LITAF: variants seen among roughly 807,000 people sequenced by gnomAD.
The protein encoded by LITAF is lipopolysaccharide induced TNF factor.
Under a neutral mutation model 14.5 loss-of-function variants are expected in LITAF, and 9 were observed. The ratio of observed to expected loss-of-function variants is 0.62; its 90% CI spans 0.37 to 1.08. The LOEUF is 1.08. Among genes scored for constraint, LITAF ranks in the 50% least tolerant of loss-of-function variants. LITAF has a pLI of 0.01. For missense variants in LITAF, 206 were observed against 213.4 expected (o/e 0.97, Z 0.22); for synonymous variants, 98 against 88.2 (o/e 1.11, Z -0.62).
intron 1 of LITAF, chr16:11,584,111 C>A (rs570190671): frequency 6.6e-6 from 1 of 152,140 alleles, no homozygotes; most frequent in Non-Finnish European, 1.5e-5. Flanking sequence ...TCAGAACAGA[C>A]CATGGGTGGC....
intron 1 of LITAF, among the ~76,000 whole-genome samples, chr16:11,560,430 G>A (rs922941153): frequency 2.6e-5 from 4 of 151,912 alleles, no homozygotes; most frequent in African/African-American, 9.7e-5. Flanking sequence ...GGCCAACATG[G>A]TGAAACCCCA....
intron 3 of LITAF, among the ~76,000 whole-genome samples, chr16:11,625,066 T>G (rs2065075490): frequency 6.6e-6 from 1 of 152,136 alleles, no homozygotes; most frequent in Non-Finnish European, 1.5e-5. Context: ...CTGGGTGAAC[T>G]GTGCTGTGCC....
intron 1 of LITAF, chr16:11,584,248 G>C (rs1190254419): frequency 6.6e-5 from 10 of 152,160 alleles, no homozygotes; most frequent in Non-Finnish European, 2.9e-5. Flanking sequence ...AAAACAAATA[G>C]AGGACAAGTC....
intron 3 of LITAF, among the ~76,000 whole-genome samples, chr16:11,630,218 C>T (rs2065109508): frequency 6.6e-6 from 1 of 152,170 alleles, no homozygotes; most frequent in Non-Finnish European, 1.5e-5. Flanking sequence ...CTCCTAGCCT[C>T]AGCCCCTATG....
In LITAF at chr16:11,549,817, G is replaced by T; in HGVS notation, c.378-72C>A. ...GGTGAACACTGGCTGCCAAAACCAT[G>T]TTCATGTCCTTCTTTGTAAAAAGGG... is the stretch of plus-strand genomic sequence containing the variant. On this transcript the variant is annotated intron_variant, in intron 3 of 3. Transcript: ENST00000622633. This position sits in a 1 kb window ranked among gnomAD's most constrained non-coding sequence, Gnocchi z 4.6. The T allele has an allele frequency of 8.6e-7, 1 of 1,156,930 alleles. No individual in the cohort carries two copies. Among genetic ancestry groups the T allele is most frequent in the African/African-American group, 1.5e-5 (1 of 65,674 alleles). The allele number at this position is 1,156,930 out of a possible 1,614,324, so 71.7% of individuals were successfully genotyped here. A position where few individuals can be genotyped will look rare whatever the true frequency, so the allele number is the denominator to read the frequency against.
chr16:11,619,761 C>T (rs1387656806), intron 3 of LITAF, among the ~76,000 whole-genome samples: 1 of 152,040 alleles, frequency 6.6e-6, no homozygotes, highest in Non-Finnish European at 1.5e-5. Context: ...TTTGTAGAGG[C>T]GTCATCCTGC....
intron 2 of LITAF, 108 bp downstream of exon 2, chr16:11,556,393 AACTGGAACGT>A (rs1188501701): frequency 1.2e-6 from 1 of 832,172 alleles, no homozygotes; most frequent in African/African-American, 1.7e-5. Flanking sequence ...AAGGGGGTAA[AACTGGAACGT>A]ACTGGCACTT....
chr16:11,629,868 C>G (rs532905658), intron 3 of LITAF, among the ~76,000 whole-genome samples: 12 of 152,296 alleles, frequency 7.9e-5, no homozygotes, highest in Admixed American at 3.3e-4. Flanking sequence ...CTCTTCCCCC[C>G]ACAGCCTGGC....
chr16:11,620,508 G>A (rs955026118), intron 3 of LITAF, among the ~76,000 whole-genome samples: 13 of 152,176 alleles, frequency 8.5e-5, no homozygotes, highest in East Asian at 3.9e-4. Flanking sequence ...GCAGAACCAT[G>A]AGCCCAGTAA....
upstream of LITAF, among the ~76,000 whole-genome samples, chr16:11,601,031 C>T (rs1259282192): frequency 1.3e-5 from 2 of 152,022 alleles, no homozygotes; most frequent in Non-Finnish European, 2.9e-5. Context: ...GAAGAAAAAT[C>T]CCGCATCACC....
At chr16:11,627,085 G>A (rs1261667951) in intron 3 of LITAF, among the ~76,000 whole-genome samples, 4 of 152,098 alleles carry the variant, frequency 2.6e-5, no homozygotes, top group Admixed American at 6.6e-5. Context: ...TGCTGCAGAC[G>A]CGTCCCTCCT....
intron 3 of LITAF, among the ~76,000 whole-genome samples, chr16:11,608,907 G>A (rs1005070214): frequency 6.6e-6 from 1 of 151,966 alleles, no homozygotes; most frequent in Admixed American, 6.6e-5. Flanking sequence ...AGGTTGTAGT[G>A]AGCTGCACTC....
At chr16:11,635,660 G>A (rs1392530605) in intron 2 of LITAF, among the ~76,000 whole-genome samples, 1 of 152,174 alleles carries the variant, frequency 6.6e-6, no homozygotes, top group Non-Finnish European at 1.5e-5. Flanking sequence ...TGACCAAGGG[G>A]AAGAAAAATG....
At chr16:11,638,610 A>G (rs2065152260), upstream of LITAF, among the ~76,000 whole-genome samples, 1 of 148,970 alleles carries the variant, frequency 6.7e-6, no homozygotes, top group African/African-American at 2.5e-5. Context: ...CTGAGGCAGG[A>G]GAATCATTTG....
chr16:11,573,343 G>A (rs913290746), intron 1 of LITAF, among the ~76,000 whole-genome samples: 7 of 152,164 alleles, frequency 4.6e-5, no homozygotes. Context: ...GAGCTAGCCT[G>A]GGTATCGATA....
At chr16:11,573,614 A>T (rs1427328218) in intron 1 of LITAF, among the ~76,000 whole-genome samples, 1 of 151,718 alleles carries the variant, frequency 6.6e-6, no homozygotes, top group Non-Finnish European at 1.5e-5. Context: ...AAATGCAATC[A>T]CCACCAAGAT....
At chr16:11,616,883 A>G (rs2065022517) in intron 3 of LITAF, among the ~76,000 whole-genome samples, 1 of 145,110 alleles carries the variant, frequency 6.9e-6, no homozygotes, top group Non-Finnish European at 1.5e-5. Flanking sequence ...CTTAACTCCA[A>G]CCTGGGAAAG....
intron 1 of LITAF, among the ~76,000 whole-genome samples, chr16:11,577,300 C>T (rs923416326): frequency 6.6e-6 from 1 of 150,574 alleles, no homozygotes; most frequent in African/African-American, 2.4e-5. Flanking sequence ...ATGGCATCAG[C>T]TCATTAGAAG....
chr16:11,601,256 A>T (rs1440914708), upstream of LITAF, among the ~76,000 whole-genome samples: 1 of 116,736 alleles, frequency 8.6e-6, no homozygotes. Flanking sequence ...TCCCCTTCCC[A>T]CCTCCCCACC....
Sources: allele counts gnomAD v4.1 joint callset (sites outside exome capture counted in the v4.1 genomes callset), GRCh38; gene constraint gnomAD v4.1.1; non-coding constraint Gnocchi (gnomAD v3.1); transcripts MANE v1.5; gene names NCBI Gene and HGNC (gene_info 2026-07-23, HGNC 2026-07-21).